Variants in CRIPT observed in about 807,000 individuals in gnomAD.
CRIPT encodes CXXC repeat containing interactor of PDZ3 domain.
In CRIPT, 20 loss-of-function variants were observed where a neutral mutation model predicts 16.6. The ratio of observed to expected loss-of-function variants is 1.20; its 90% CI spans 0.85 to 1.75. CRIPT has a LOEUF of 1.75. Ranked by LOEUF, CRIPT falls within the 40% of genes most tolerant of loss-of-function variation. The pLI is 0.00. For missense variants in CRIPT, 133 were observed against 115.3 expected (o/e 1.15, Z -0.70); for synonymous variants, 42 against 37.0 (o/e 1.14, Z -0.49).
Position 46,627,400 on chromosome 2 carries a change from TTC to T in CRIPT, c.*3175_*3176del, listed in dbSNP as rs372071849. Among the ~76,000 whole-genome samples the T allele has an allele frequency of 6.6e-6, 1 of 152,158 alleles. No individual in the cohort carries two copies. The highest frequency in any genetic ancestry group is 2.4e-5 in the African/African-American group (1 of 41,442). ...ATGTCCAGATGTTATTTCGTAGGTT[TTC>T]TTCTAGGACTCTTATAGCTTGAAGT... On this transcript the variant is annotated 3_prime_UTR_variant, in exon 5 of 5. Coordinates refer to ENST00000238892, the MANE Select transcript of CRIPT (RefSeq NM_014171.6).
Position 46,628,488 on chromosome 2 carries a change from T to C in CRIPT, c.*4261T>C, listed in dbSNP as rs912597910. Among the ~76,000 whole-genome samples the C allele has an allele frequency of 1.3e-5, 2 of 152,220 alleles. No individual in the cohort carries two copies. Among genetic ancestry groups the C allele is most frequent in the Non-Finnish European group, 2.9e-5 (2 of 68,038 alleles). On this transcript the variant is annotated 3_prime_UTR_variant, in exon 5 of 5. Coordinates refer to ENST00000238892, the MANE Select transcript of CRIPT (RefSeq NM_014171.6). ...TGAATCTGTGGATTGCTTTGGGCAGTATGGCCATTTTAATGATATTGATTC... is the reference window on the plus strand; with the variant it reads ...TGAATCTGTGGATTGCTTTGGGCAGCATGGCCATTTTAATGATATTGATTC...
At chr2:46,619,601 C>T in intron 2 of CRIPT, 26 bp from the exon 3 acceptor site, 1 of 1,547,828 alleles carries the variant, frequency 6.5e-7, no homozygotes, top group East Asian at 2.3e-5. Flanking sequence ...AAATAACCCA[C>T]TAAAATATCT....
chr2:46,619,626 G>C lies in CRIPT; in HGVS notation c.83-1G>C, dbSNP rs746415991. ...CTAAAATATCTTTTATTCTGATACA[G>C]AAAGTGGTGGAAGAAAGCTGAATGA... On this transcript the variant is annotated splice_acceptor_variant, in intron 2 of 4. Coordinates refer to ENST00000238892, the MANE Select transcript of CRIPT (RefSeq NM_014171.6). LOFTEE classifies it high-confidence loss of function. 7.5e-6 allele frequency: 12 copies of C among 1,607,198 alleles called. No homozygotes were observed. The highest frequency in any genetic ancestry group is 1.0e-5 in the Non-Finnish European group (12 of 1,175,084).
At chr2:46,621,310 CT>C (rs1434866676) in intron 3 of CRIPT, among the ~76,000 whole-genome samples, 1 of 152,158 alleles carries the variant, frequency 6.6e-6, no homozygotes. Context: ...CATATGCTGT[CT>C]TTATTAGTTC....
At chr2:46,622,172 A>G (rs1268379139) in intron 3 of CRIPT, among the ~76,000 whole-genome samples, 1 of 151,530 alleles carries the variant, frequency 6.6e-6, no homozygotes, top group East Asian at 2.0e-4. Context: ...GATCGAGACC[A>G]TCCTGGCTAA....
intron 1 of CRIPT, among the ~76,000 whole-genome samples, chr2:46,618,349 C>T (rs1380562816): frequency 6.6e-6 from 1 of 152,070 alleles, no homozygotes; most frequent in Non-Finnish European, 1.5e-5. Flanking sequence ...GTTCGCATAT[C>T]TCTTAAGATC....
At position 46,619,672 on chromosome 2, in the gene CRIPT, A is replaced by G. The variant is rs1448579632; in HGVS notation, c.128A>G (p.Lys43Arg). Residue 43 changes from lysine to arginine, a missense_variant, in exon 3 of 5, where the codon AAA (lysine) becomes AGA (arginine). Coordinates refer to ENST00000238892, the MANE Select transcript of CRIPT (RefSeq NM_014171.6). ...KLNENKALTS[K>R]KARFDPYGKN... The stretch of plus-strand genomic sequence containing the variant: ...AATGAAAATAAAGCTTTGACTTCAA[A>G]AAAAGCAAGGTGGGTAAGAGGATCC... 6.2e-7 allele frequency: 1 copy of G among 1,612,000 alleles called. No individual in the cohort carries two copies. The highest frequency in any genetic ancestry group is 2.2e-5 in the East Asian group (1 of 44,706).
At chr2:46,618,384 T>C (rs987099936) in intron 1 of CRIPT, among the ~76,000 whole-genome samples, 2 of 152,166 alleles carry the variant, frequency 1.3e-5, no homozygotes, top group Non-Finnish European at 2.9e-5. Flanking sequence ...AGGTTACAGA[T>C]TGCTGTTAAA....
Position 46,625,685 on chromosome 2 carries a change from A to T in CRIPT, c.*1458A>T, listed in dbSNP as rs1440983237. 1 of 152,132 alleles carries T rather than the reference A, an allele frequency of 6.6e-6. No individual in the cohort carries two copies. Among genetic ancestry groups the T allele is most frequent in the South Asian group, 2.1e-4 (1 of 4,826 alleles). The allele number at this position is 152,132 out of a possible 1,614,324, so 9.4% of individuals were successfully genotyped here. The stretch of plus-strand genomic sequence containing the variant: ...TTCTGAGATACATTGTTATTTATTC[A>T]TATCCAGAAAAATTACAAGGATAAT... On this transcript the variant is annotated 3_prime_UTR_variant, in exon 5 of 5. Transcript: ENST00000238892.
In CRIPT at chr2:46,630,144, A is replaced by G. The variant is rs781711020; in HGVS notation, c.*5917A>G. Among the ~76,000 whole-genome samples the G allele has an allele frequency of 5.9e-5, 9 of 152,138 alleles. No homozygotes were observed. The highest frequency in any genetic ancestry group is 1.3e-4 in the Admixed American group (2 of 15,278). On this transcript the variant is annotated 3_prime_UTR_variant, in exon 5 of 5. Transcript: ENST00000238892. ...CCTGCATAGCCATAGCACAATTACCAAAATCAGAAAATTAACATTAATACT... is the reference window on the plus strand; with the variant it reads ...CCTGCATAGCCATAGCACAATTACCGAAATCAGAAAATTAACATTAATACT...
intron 2 of CRIPT, 21 bp from the exon 3 acceptor site, chr2:46,619,606 A>G (rs752759417): frequency 2.5e-6 from 4 of 1,574,228 alleles, no homozygotes; most frequent in Admixed American, 3.5e-5. Context: ...ACCCACTAAA[A>G]TATCTTTTAT....
chr2:46,622,590 G>C (rs35449212), intron 3 of CRIPT, among the ~76,000 whole-genome samples: 3 of 151,776 alleles, frequency 2.0e-5, no homozygotes, highest in Non-Finnish European at 2.9e-5. Context: ...AACGCAGGCG[G>C]ATCTCCTGAG....
At position 46,624,101 on chromosome 2, in the gene CRIPT, T is replaced by C. The variant is rs1330903397; in HGVS notation, c.242-62T>C. On this transcript the variant is annotated intron_variant, in intron 4 of 4. Transcript: ENST00000238892. ...TTAAATTATGTTTTAAGCTTCAGGA[T>C]TGACTTAAACCAAACAGTTGGTATT... The C allele has an allele frequency of 5.2e-6, 6 of 1,144,266 alleles. No homozygotes were observed. The African/African-American group carries it at 9.4e-5, about 18-fold the overall frequency. 70.9% of individuals were successfully genotyped at this position (1,144,266 alleles called of 1,614,324 possible). A position where few individuals can be genotyped will look rare whatever the true frequency, so the allele number is the denominator to read the frequency against.
rs1670964312 is a variant in CRIPT at position 46,627,362 on chromosome 2, T to C, written c.*3135T>C. 1.3e-5 allele frequency among the ~76,000 whole-genome samples: 2 copies of C among 152,216 alleles called. No homozygotes were observed. Among genetic ancestry groups the C allele is most frequent in the South Asian group, 4.1e-4 (2 of 4,834 alleles). ...CTTTTGAGGACTTAGCCGTAAGTTCTTTCCCATAGCTGATGTCCAGATGTT... is the reference window on the plus strand; with the variant it reads ...CTTTTGAGGACTTAGCCGTAAGTTCCTTCCCATAGCTGATGTCCAGATGTT... On this transcript the variant is annotated 3_prime_UTR_variant, in exon 5 of 5. Coordinates refer to ENST00000238892, the MANE Select transcript of CRIPT (RefSeq NM_014171.6).
rs888116209 is a variant in CRIPT at position 46,626,635 on chromosome 2, T to G, written c.*2408T>G. Among the ~76,000 whole-genome samples, 3 of 152,164 alleles carry G rather than the reference T, an allele frequency of 2.0e-5. No homozygotes were observed. Among genetic ancestry groups the G allele is most frequent in the African/African-American group, 7.2e-5 (3 of 41,434 alleles). On this transcript the variant is annotated 3_prime_UTR_variant, in exon 5 of 5. Transcript: ENST00000238892. ...CACAGCCTCACCAGCATCTGTTATTTTTTTGACTTTTTGATAATAGCCATT... is the reference window on the plus strand; with the variant it reads ...CACAGCCTCACCAGCATCTGTTATTGTTTTGACTTTTTGATAATAGCCATT...
intron 1 of CRIPT, among the ~76,000 whole-genome samples, chr2:46,618,513 C>T (rs1670724402): frequency 6.6e-6 from 1 of 152,132 alleles, no homozygotes; most frequent in Admixed American, 6.5e-5. Context: ...AACAAATAGA[C>T]TTACCAGATT....
chr2:46,623,621 C>G, intron 3 of CRIPT, 143 bp from the exon 4 acceptor site: 1 of 508,814 alleles, frequency 2.0e-6, no homozygotes, highest in African/African-American at 2.0e-5. Context: ...CAGTAGCCAT[C>G]TGGAATAGGC....
intron 3 of CRIPT, among the ~76,000 whole-genome samples, chr2:46,620,630 C>CACA (rs2104168394): frequency 6.6e-6 from 1 of 150,928 alleles, no homozygotes; most frequent in African/African-American, 2.4e-5. Context: ...TTGTCGAGAT[C>CACA]ACAAGTGACC....
At chr2:46,622,351 C>G (rs1010031917) in intron 3 of CRIPT, among the ~76,000 whole-genome samples, 5 of 135,548 alleles carry the variant, frequency 3.7e-5, no homozygotes, top group East Asian at 2.2e-4. Flanking sequence ...GCCTGGGCGA[C>G]AGAGCGAGAC....
Sources: gnomAD v4.1 joint callset for allele counts (sites outside exome capture counted in the v4.1 genomes callset) on GRCh38, gnomAD v4.1.1 for gene constraint, MANE v1.5 for transcripts, NCBI Gene and HGNC (gene_info 2026-07-23, HGNC 2026-07-21) for gene names.